CCNY: variants seen among roughly 807,000 people sequenced by gnomAD.
CCNY encodes cyclin Y.
CCNY carries 19 observed loss-of-function variants against 42.8 expected under a neutral mutation model. The observed-to-expected ratio is 0.44, with a 90% CI of 0.31 to 0.65. CCNY has a LOEUF of 0.65. Among genes scored for constraint, CCNY ranks in the 30% least tolerant of loss-of-function variants. CCNY has a pLI of 0.07. For synonymous variants in CCNY, 165 were observed against 162.7 expected, an observed-to-expected ratio of 1.01 and a Z score of -0.11; for missense variants, 370 against 437.3, an observed-to-expected ratio of 0.85 and a Z score of 1.37.
rs369265563 is a variant in CCNY at position 35,408,950 on chromosome 10, G to GT, written c.154+71755dup. Among the ~76,000 whole-genome samples, 838 of 139,424 alleles carry GT rather than the reference G, an allele frequency of 6.0e-3. 4 individuals carry two copies. Among genetic ancestry groups the GT allele is most frequent in the Admixed American group, 7.1e-3 (100 of 14,026 alleles). The allele number at this position is 139,424 out of a possible 152,430, so 91.5% of individuals were successfully genotyped here. A position where few individuals can be genotyped will look rare whatever the true frequency, so the allele number is the denominator to read the frequency against. On this transcript the variant is annotated intron_variant, in intron 1 of 9. Coordinates refer to ENST00000374704, the MANE Select transcript of CCNY (RefSeq NM_145012.6). ...ATTACCCTGCTCAATTCTTGTTTTT[G>GT]TTTTTTTTTTTTCATTCTAGTTATG...
intron 1 of CCNY, chr10:35,449,815 A>G (rs770622554): frequency 1.0e-5 from 10 of 985,208 alleles, no homozygotes; most frequent in Non-Finnish European, 9.6e-6. Context: ...ACGGACAGTA[A>G]GTTGAGAGTG....
At chr10:35,557,128 T>G (rs1259735807) in intron 8 of CCNY, among the ~76,000 whole-genome samples, 2 of 152,160 alleles carry the variant, frequency 1.3e-5, no homozygotes, top group African/African-American at 4.8e-5. Flanking sequence ...TATCCCAAGT[T>G]TTAGTTGTTG....
intron 3 of CCNY, among the ~76,000 whole-genome samples, chr10:35,325,900 A>G (rs946293292): frequency 2.0e-5 from 3 of 151,956 alleles, no homozygotes; most frequent in African/African-American, 7.3e-5. Flanking sequence ...GCAACATAGC[A>G]AGACGCCATC....
At chr10:35,564,156 AG>A (rs1181884000) in intron 8 of CCNY, among the ~76,000 whole-genome samples, 5 of 148,996 alleles carry the variant, frequency 3.4e-5, no homozygotes, top group African/African-American at 1.2e-4. Context: ...CTGAGATTAC[AG>A]GTGTGAGTGA....
chr10:35,516,078 G>T (rs967871), intron 3 of CCNY, among the ~76,000 whole-genome samples: 7,539 of 152,202 alleles, frequency 0.05, 536 homozygotes, highest in African/African-American at 0.16. Flanking sequence ...ATTTTCCATG[G>T]CCCCTAAATC....
At chr10:35,337,728 T>G (rs569194068) in intron 1 of CCNY, among the ~76,000 whole-genome samples, 31 of 130,700 alleles carry the variant, frequency 2.4e-4, no homozygotes, top group Admixed American at 1.7e-3. Flanking sequence ...GTTCCCATTC[T>G]ACCGTTTTTT....
At chr10:35,420,074 G>A (rs567129486) in intron 1 of CCNY, among the ~76,000 whole-genome samples, 1 of 152,130 alleles carries the variant, frequency 6.6e-6, no homozygotes, top group South Asian at 2.1e-4. Flanking sequence ...TAGGTCCTAT[G>A]TCTGTGCTTG....
intron 1 of CCNY, among the ~76,000 whole-genome samples, chr10:35,339,082 T>C (rs1836117269): frequency 6.6e-6 from 1 of 152,232 alleles, no homozygotes; most frequent in South Asian, 2.1e-4. Context: ...CAATCTAGGC[T>C]GTGGAGTGCC....
chr10:35,469,629 G>A (rs935498616), intron 1 of CCNY, among the ~76,000 whole-genome samples: 3 of 151,006 alleles, frequency 2.0e-5, no homozygotes, highest in African/African-American at 7.3e-5. Context: ...GATAGACAGG[G>A]GGAGATGGAG....
chr10:35,486,027 CCACGTATT>C (rs996398097), intron 2 of CCNY, among the ~76,000 whole-genome samples: 46 of 152,142 alleles, frequency 3.0e-4, no homozygotes, highest in African/African-American at 1.1e-3. Flanking sequence ...TGTTCAAAAC[CCACGTATT>C]CAGCTGCCTG....
chr10:35,533,496 TCGGG>T (rs1177012750), intron 7 of CCNY, among the ~76,000 whole-genome samples: 1 of 152,152 alleles, frequency 6.6e-6, no homozygotes, highest in Non-Finnish European at 1.5e-5. Flanking sequence ...CACACCTGCC[TCGGG>T]ACTTCTGCAC....
intron 1 of CCNY, among the ~76,000 whole-genome samples, chr10:35,403,210 A>G (rs1156320732): frequency 6.6e-6 from 1 of 152,186 alleles, no homozygotes; most frequent in Non-Finnish European, 1.5e-5. Flanking sequence ...CCTTGAGGAT[A>G]GATTTCCACG....
chr10:35,476,599 C>T (rs1839516432), intron 1 of CCNY, among the ~76,000 whole-genome samples: 1 of 151,080 alleles, frequency 6.6e-6, no homozygotes, highest in Non-Finnish European at 1.5e-5. Context: ...AGAACAAAGA[C>T]ACAACATACC....
chr10:35,267,432 G>A (rs1170208910), intron 3 of CCNY, among the ~76,000 whole-genome samples: 2 of 152,014 alleles, frequency 1.3e-5, no homozygotes, highest in Non-Finnish European at 2.9e-5. Flanking sequence ...AAACACTCTG[G>A]GGCTGGCTCA....
chr10:35,264,310 A>G (rs1264233883), intron 3 of CCNY, among the ~76,000 whole-genome samples: 1 of 152,172 alleles, frequency 6.6e-6, no homozygotes, highest in Non-Finnish European at 1.5e-5. Context: ...ATATGTATAC[A>G]TGTGCCATGT....
intron 4 of CCNY, among the ~76,000 whole-genome samples, chr10:35,522,881 C>T (rs543267700): frequency 4.7e-4 from 71 of 152,312 alleles, no homozygotes; most frequent in African/African-American, 1.7e-3. Context: ...TTGCCTTCAC[C>T]GGTGAGGCCC....
At chr10:35,275,607 C>CA (rs1200958393) in intron 3 of CCNY, among the ~76,000 whole-genome samples, 3 of 151,734 alleles carry the variant, frequency 2.0e-5, no homozygotes, top group Non-Finnish European at 2.9e-5. Context: ...ACCAAAAATA[C>CA]AAAAAATTAG....
At position 35,569,245 on chromosome 10, in the gene CCNY, G is replaced by T; in HGVS notation, c.*75G>T. 2.2e-6 allele frequency: 2 copies of T among 923,156 alleles called. No individual in the cohort carries two copies. The highest frequency in any genetic ancestry group is 3.5e-6 in the Non-Finnish European group (2 of 572,838). The allele number at this position is 923,156 out of a possible 1,614,324, so 57.2% of individuals were successfully genotyped here. On this transcript the variant is annotated 3_prime_UTR_variant, in exon 10 of 10. Coordinates refer to ENST00000374704, the MANE Select transcript of CCNY (RefSeq NM_145012.6). The stretch of plus-strand genomic sequence containing the variant: ...TTGAGAAAAGACAGACTTGGGGTGG[G>T]TTTGTTTTTGTTTTTTCTTTCCTTT...
At chr10:35,419,206 G>T (rs1040574329) in intron 1 of CCNY, among the ~76,000 whole-genome samples, 3 of 152,120 alleles carry the variant, frequency 2.0e-5, no homozygotes, top group African/African-American at 7.2e-5. Context: ...GTGCTCAATT[G>T]TATTACTATT....
Sources: allele counts gnomAD v4.1 joint callset (sites outside exome capture counted in the v4.1 genomes callset), GRCh38; gene constraint gnomAD v4.1.1; transcripts MANE v1.5; gene names NCBI Gene and HGNC (gene_info 2026-07-23, HGNC 2026-07-21).